The following PCLO variants were observed in gnomAD, a reference collection of about 807,000 sequenced individuals.
PCLO encodes the protein protein piccolo.
PCLO carries 82 observed loss-of-function variants against 427.5 expected under a neutral mutation model. The ratio of observed to expected loss-of-function variants is 0.19; its 90% CI spans 0.16 to 0.23. The LOEUF is 0.23. PCLO is among the 10% of genes least tolerant of loss of function. The pLI is 1.00. For missense variants in PCLO, 6,239 were observed against 6,115.9 expected (o/e 1.02, Z -0.67); for synonymous variants, 2,357 against 2,155.4 (o/e 1.09, Z -2.59).
chr7:83,087,369 A>C (rs1430043647), intron 3 of PCLO, among the ~76,000 whole-genome samples: 1 of 152,070 alleles, frequency 6.6e-6, no homozygotes, highest in African/African-American at 2.4e-5. Context: ...TACTGGGGTA[A>C]TGGGAGCACT....
At chr7:82,908,734 T>G in intron 8 of PCLO, 143 bp downstream of exon 8, 1 of 691,826 alleles carries the variant, frequency 1.4e-6, no homozygotes, top group Non-Finnish European at 2.4e-6. Flanking sequence ...TGAGCTGTGT[T>G]ACTCCTTTAT....
chr7:83,064,851 CTA>C (rs1789627369), intron 3 of PCLO, among the ~76,000 whole-genome samples: 1 of 151,784 alleles, frequency 6.6e-6, no homozygotes, highest in African/African-American at 2.4e-5. Flanking sequence ...AGAATAATAA[CTA>C]TAATTTCTAA....
At chr7:83,008,610 A>G (rs1255081490) in intron 3 of PCLO, among the ~76,000 whole-genome samples, 5 of 151,642 alleles carry the variant, frequency 3.3e-5, no homozygotes, top group Non-Finnish European at 5.9e-5. Flanking sequence ...AATGTTTCCT[A>G]TCGTGGATTC....
chr7:82,949,937 T>C lies in PCLO; in HGVS notation c.10651A>G (p.Lys3551Glu), dbSNP rs1247417039. 2 of 1,613,692 alleles carry C rather than the reference T, an allele frequency of 1.2e-6. No individual in the cohort carries two copies. Among genetic ancestry groups the C allele is most frequent in the Non-Finnish European group, 1.7e-6 (2 of 1,179,842 alleles). ...GTCTTTTCAGGTGCTGAAATGTGTT[T>C]AATTATTTCTACCTTGGCATCCACT... Reference protein sequence around the residue: ...ARVDAKVEIIKHISAPEKTYK... With the variant: ...ARVDAKVEIIEHISAPEKTYK... Residue 3551 changes from lysine (K) to glutamate (E), a missense_variant, in exon 6 of 25, where the codon AAA becomes GAA. Lys to Glu is a moderately conservative substitution (Grantham distance 56). This residue lies in a region of PCLO where 4,677 missense variants were observed against 4,468.4 expected (regional missense o/e 1.05). Coordinates refer to ENST00000333891, the MANE Select transcript of PCLO (RefSeq NM_033026.6).
chr7:83,095,746 C>G (rs1475581806), intron 3 of PCLO, among the ~76,000 whole-genome samples: 1 of 151,902 alleles, frequency 6.6e-6, no homozygotes, highest in African/African-American at 2.4e-5. Context: ...TGTTATCTTT[C>G]TATTACTAAT....
Position 82,822,525 on chromosome 7 carries a change from C to T in PCLO, c.14761G>A (p.Ala4921Thr). ...DAGAAIAAAE[A>T]AVQQLRIQPT... ...TGAATGCGGAGTTGTTGCACGGCAG[C>T]TTCGGCAGCAGCTATGGCAGCCCCT... Residue 4921 changes from alanine (A) to threonine (T), a missense_variant, in exon 20 of 25, where the codon GCT becomes ACT. Physicochemically the swap from Ala to Thr is moderately conservative, Grantham distance 58. Transcript: ENST00000333891. 1.2e-6 allele frequency: 2 copies of T among 1,613,872 alleles called. No homozygotes were observed. The highest frequency in any genetic ancestry group is 1.7e-6 in the Non-Finnish European group (2 of 1,179,862).
intron 14 of PCLO, among the ~76,000 whole-genome samples, chr7:82,839,057 CA>C (rs977093682): frequency 4.0e-5 from 6 of 151,854 alleles, no homozygotes; most frequent in African/African-American, 1.5e-4. Context: ...GAGAAAACTG[CA>C]TAATTCAAAA....
intron 3 of PCLO, among the ~76,000 whole-genome samples, chr7:83,124,314 A>G (rs1222498442): frequency 6.7e-6 from 1 of 149,866 alleles, no homozygotes; most frequent in East Asian, 2.0e-4. Flanking sequence ...AGATAGCACC[A>G]CTGTACTCCA....
At chr7:83,149,992 T>A (rs1414503990) in intron 2 of PCLO, among the ~76,000 whole-genome samples, 2 of 149,068 alleles carry the variant, frequency 1.3e-5, no homozygotes, top group African/African-American at 4.9e-5. Flanking sequence ...CCATAATGAC[T>A]AAAAAAAAAA....
chr7:82,772,476 T>C (rs1440694017), intron 22 of PCLO, among the ~76,000 whole-genome samples: 2 of 152,162 alleles, frequency 1.3e-5, no homozygotes, highest in African/African-American at 4.8e-5. Context: ...GTGTTTTCAT[T>C]AATTTTTTTT....
At chr7:82,963,417 G>C (rs757313516) in intron 4 of PCLO, among the ~76,000 whole-genome samples, 1 of 151,694 alleles carries the variant, frequency 6.6e-6, no homozygotes, top group Non-Finnish European at 1.5e-5. Flanking sequence ...TTGTGCGATT[G>C]CCAATTCTTT....
intron 1 of PCLO, among the ~76,000 whole-genome samples, chr7:83,160,969 T>C (rs555510867): frequency 6.6e-6 from 1 of 152,286 alleles, no homozygotes; most frequent in Non-Finnish European, 1.5e-5. Context: ...AAACAGTACA[T>C]ATCATAAACT....
intron 3 of PCLO, among the ~76,000 whole-genome samples, chr7:83,067,212 A>G (rs990918585): frequency 6.6e-6 from 1 of 152,170 alleles, no homozygotes; most frequent in East Asian, 1.9e-4. Context: ...CATTTCAGAT[A>G]AGGGATACTC....
chr7:83,032,102 G>A (rs965863942), intron 3 of PCLO, among the ~76,000 whole-genome samples: 1 of 152,036 alleles, frequency 6.6e-6, no homozygotes, highest in Admixed American at 6.6e-5. Flanking sequence ...GCATGCAGTA[G>A]GACTAAGTTG....
At chr7:83,152,612 A>G (rs1223039935) in intron 2 of PCLO, among the ~76,000 whole-genome samples, 1 of 152,138 alleles carries the variant, frequency 6.6e-6, no homozygotes, top group East Asian at 1.9e-4. Context: ...TATACTCTGT[A>G]CTTTTGTAGC....
At chr7:82,831,442 T>A (rs1792090417) in intron 16 of PCLO, among the ~76,000 whole-genome samples, 1 of 152,096 alleles carries the variant, frequency 6.6e-6, no homozygotes, top group Admixed American at 6.6e-5. Context: ...ATAATTTTTA[T>A]ACATATAATA....
chr7:82,833,991 T>G (rs1018191184), intron 16 of PCLO, among the ~76,000 whole-genome samples: 1 of 152,154 alleles, frequency 6.6e-6, no homozygotes, highest in African/African-American at 2.4e-5. Flanking sequence ...ACAGTCTAAC[T>G]TACAATGTCA....
At chr7:83,105,835 A>G (rs1790841274) in intron 3 of PCLO, among the ~76,000 whole-genome samples, 1 of 152,228 alleles carries the variant, frequency 6.6e-6, no homozygotes, top group South Asian at 2.1e-4. Flanking sequence ...AAGCTGCCCT[A>G]TATACAGTAT....
At chr7:82,779,971 T>C (rs1159171470) in intron 22 of PCLO, among the ~76,000 whole-genome samples, 2 of 152,148 alleles carry the variant, frequency 1.3e-5, no homozygotes, top group Non-Finnish European at 2.9e-5. Context: ...GTGTTCAGCA[T>C]ATTTTAAGCT....
Sources: allele counts gnomAD v4.1 joint callset (sites outside exome capture counted in the v4.1 genomes callset), GRCh38; gene constraint gnomAD v4.1.1; regional missense constraint gnomAD v4.1.1; transcripts MANE v1.5; gene names NCBI Gene and HGNC (gene_info 2026-07-23, HGNC 2026-07-21).